The following COL25A1 variants were observed in gnomAD, a reference collection of about 807,000 sequenced individuals.
COL25A1 encodes the protein collagen alpha-1(XXV) chain.
In COL25A1, 103 loss-of-function variants were observed where a neutral mutation model predicts 128.4. The observed-to-expected ratio is 0.80, with a 90% CI of 0.68 to 0.94. The LOEUF (loss-of-function observed/expected upper bound fraction) is 0.94, where lower values mean the gene tolerates loss of function less well. COL25A1 is among the 40% of genes least tolerant of loss of function. The pLI is 0.00. For missense variants in COL25A1, 745 were observed against 840.0 expected (o/e 0.89, Z 1.40); for synonymous variants, 279 against 277.2 (o/e 1.01, Z -0.06).
chr4:109,053,807 T>C (rs1443333678), intron 3 of COL25A1, among the ~76,000 whole-genome samples: 2 of 152,214 alleles, frequency 1.3e-5, no homozygotes, highest in Non-Finnish European at 2.9e-5. Flanking sequence ...AATTCATCAT[T>C]GGCTGGGTGT....
At position 108,920,678 on chromosome 4, in the gene COL25A1, T is replaced by C. The variant is rs918245252; in HGVS notation, c.709-74A>G. ...CTTAGATGACCAATTTAAACTGTCC[T>C]ATTCTCTAAGATTCTCTTTGCTGTA... On this transcript the variant is annotated intron_variant, in intron 11 of 37. Transcript: ENST00000399132. 7 of 1,064,800 alleles carry C rather than the reference T, an allele frequency of 6.6e-6. No individual in the cohort carries two copies. In the African/African-American group the frequency reaches 1.1e-4, roughly 17 times the overall value. 66.0% of individuals were successfully genotyped at this position (1,064,800 alleles called of 1,614,324 possible).
intron 12 of COL25A1, among the ~76,000 whole-genome samples, 175 bp from the exon 13 acceptor site, chr4:108,918,391 A>G (rs887777586): frequency 6.6e-6 from 1 of 152,238 alleles, no homozygotes; most frequent in African/African-American, 2.4e-5. Context: ...AAGCTTCCCC[A>G]GAAACTACAG....
chr4:109,002,593 A>G (rs1028717082), intron 6 of COL25A1, among the ~76,000 whole-genome samples: 1 of 152,226 alleles, frequency 6.6e-6, no homozygotes, highest in African/African-American at 2.4e-5. Context: ...TTCAGTTACA[A>G]GATGAACAAG....
chr4:109,085,583 C>T (rs1764277041), intron 3 of COL25A1, among the ~76,000 whole-genome samples: 1 of 152,148 alleles, frequency 6.6e-6, no homozygotes, highest in Non-Finnish European at 1.5e-5. Context: ...AAGGACATAT[C>T]TGGTTATTTA....
At chr4:108,827,988 A>T (rs987758116) in intron 32 of COL25A1, among the ~76,000 whole-genome samples, 1 of 152,040 alleles carries the variant, frequency 6.6e-6, no homozygotes, top group African/African-American at 2.4e-5. Flanking sequence ...TATACACAGG[A>T]GGGTTCTGGG....
At chr4:109,288,997 A>T (rs1724183751) in intron 3 of COL25A1, among the ~76,000 whole-genome samples, 1 of 150,420 alleles carries the variant, frequency 6.6e-6, no homozygotes, top group Non-Finnish European at 1.5e-5. Context: ...ACACACACAC[A>T]CACACACATA....
At position 109,242,845 on chromosome 4, in the gene COL25A1, G is replaced by A. The variant is rs78962760; in HGVS notation, c.367+57738C>T. ...ACATGATGTTTTGATATACATAAGT[G>A]ATTACCACAGTCAAGTCACTTAAGA... On this transcript the variant is annotated intron_variant, in intron 3 of 37. Coordinates refer to ENST00000399132, the MANE Select transcript of COL25A1 (RefSeq NM_198721.4). 6.5e-3 allele frequency among the ~76,000 whole-genome samples: 984 copies of A among 152,036 alleles called. 4 individuals carry two copies. The highest frequency in any genetic ancestry group is 0.01 in the Non-Finnish European group (711 of 67,932).
At chr4:109,273,063 G>T (rs547741469) in intron 3 of COL25A1, among the ~76,000 whole-genome samples, 5 of 152,234 alleles carry the variant, frequency 3.3e-5, no homozygotes, top group Non-Finnish European at 5.9e-5. Context: ...ATCAACTGGG[G>T]AAGGGAGGAT....
At chr4:109,174,610 T>C (rs535590830) in intron 3 of COL25A1, among the ~76,000 whole-genome samples, 2 of 152,192 alleles carry the variant, frequency 1.3e-5, no homozygotes, top group Admixed American at 1.3e-4. Context: ...CCCCCAGCCA[T>C]GAGAATAAGT....
At chr4:109,140,978 G>A (rs1196736029) in intron 3 of COL25A1, among the ~76,000 whole-genome samples, 1 of 152,178 alleles carries the variant, frequency 6.6e-6, no homozygotes, top group African/African-American at 2.4e-5. Context: ...ATGTTGAATA[G>A]GAGTGGTGAG....
At chr4:108,815,599 T>C (rs1487241631) in intron 37 of COL25A1, among the ~76,000 whole-genome samples, 3 of 152,102 alleles carry the variant, frequency 2.0e-5, no homozygotes, top group Admixed American at 2.0e-4. Flanking sequence ...ATTCATAAGA[T>C]CTTTAATCTT....
intron 31 of COL25A1, among the ~76,000 whole-genome samples, chr4:108,837,886 G>A (rs1733994636): frequency 6.6e-6 from 1 of 152,210 alleles, no homozygotes; most frequent in East Asian, 1.9e-4. Flanking sequence ...AGAATGACAG[G>A]ACATTTATAG....
intron 3 of COL25A1, among the ~76,000 whole-genome samples, chr4:109,099,621 TA>T (rs199518418): frequency 7.3e-4 from 94 of 128,370 alleles, no homozygotes; most frequent in South Asian, 1.2e-3. Context: ...CCCAAAGTTA[TA>T]AAAAAAAAAA....
chr4:109,098,567 G>T (rs1234853865), intron 3 of COL25A1, among the ~76,000 whole-genome samples: 1 of 152,006 alleles, frequency 6.6e-6, no homozygotes, highest in East Asian at 1.9e-4. Context: ...TCACTCTCTG[G>T]ATGATAATTA....
At chr4:109,167,039 T>C (rs1400987624) in intron 3 of COL25A1, among the ~76,000 whole-genome samples, 4 of 152,138 alleles carry the variant, frequency 2.6e-5, no homozygotes, top group Non-Finnish European at 4.4e-5. Context: ...ATGAATATGA[T>C]CAATGAGGTC....
At chr4:108,959,740 C>T (rs1385519049) in intron 8 of COL25A1, among the ~76,000 whole-genome samples, 2 of 152,082 alleles carry the variant, frequency 1.3e-5, no homozygotes, top group African/African-American at 4.8e-5. Context: ...ATACCACAGA[C>T]CAGTATAGAG....
Position 108,848,895 on chromosome 4 carries a change from A to G in COL25A1, c.1390-92T>C, listed in dbSNP as rs1337280289. On this transcript the variant is annotated intron_variant, in intron 26 of 37. Coordinates refer to ENST00000399132, the MANE Select transcript of COL25A1 (RefSeq NM_198721.4). ...ACGATGCTAGTTTGTTAACACCACA[A>G]TTTGACTTTCAGCAAATGCATCATA... 6 of 924,770 alleles carry G rather than the reference A, an allele frequency of 6.5e-6. No individual in the cohort carries two copies. In the Admixed American group the frequency reaches 1.0e-4, roughly 15 times the overall value. 57.3% of individuals were successfully genotyped at this position (924,770 alleles called of 1,614,324 possible).
chr4:109,111,308 G>C (rs1766994816), intron 3 of COL25A1, among the ~76,000 whole-genome samples: 1 of 152,118 alleles, frequency 6.6e-6, no homozygotes, highest in African/African-American at 2.4e-5. Context: ...CTATCCCACA[G>C]TCATTTCTCA....
intron 19 of COL25A1, among the ~76,000 whole-genome samples, chr4:108,880,185 G>A (rs1739957544): frequency 1.3e-5 from 2 of 152,192 alleles, no homozygotes; most frequent in African/African-American, 4.8e-5. Context: ...ATCATTACAT[G>A]TCAAGGTTTG....
Sources: allele counts gnomAD v4.1 joint callset (sites outside exome capture counted in the v4.1 genomes callset), GRCh38; gene constraint gnomAD v4.1.1; transcripts MANE v1.5; gene names NCBI Gene and HGNC (gene_info 2026-07-23, HGNC 2026-07-21).